The following MACROH2A1 variants were observed in gnomAD, a reference collection of about 807,000 sequenced individuals.
MACROH2A1 encodes the protein core histone macro-H2A.1.
MACROH2A1 carries 2 observed loss-of-function variants against 31.6 expected under a neutral mutation model. That is an observed-to-expected ratio of 0.06 (90% CI 0.03 to 0.20). The LOEUF is 0.20. Among genes scored for constraint, MACROH2A1 ranks in the 10% least tolerant of loss-of-function variants. MACROH2A1 has a pLI of 1.00. For missense variants in MACROH2A1, 230 were observed against 474.0 expected (o/e 0.49, Z 4.78); for synonymous variants, 169 against 189.6 (o/e 0.89, Z 0.89).
intron 2 of MACROH2A1, among the ~76,000 whole-genome samples, chr5:135,371,343 GTTC>G (rs1764153120): frequency 6.6e-6 from 1 of 152,184 alleles, no homozygotes; most frequent in South Asian, 2.1e-4. Context: ...GATTTTAAAA[GTTC>G]TTAACACAAG....
At position 135,335,034 on chromosome 5, in the gene MACROH2A1, A is replaced by C. The variant is rs759111396; in HGVS notation, c.1061T>G (p.Phe354Cys). Residue 354 changes from phenylalanine to cysteine, a missense_variant, in exon 9 of 9, where the codon TTT becomes TGT. By Grantham distance (205) the Phe-to-Cys change is radical. Coordinates refer to ENST00000511689, the MANE Select transcript of MACROH2A1 (RefSeq NM_138610.3). ...SSIKTVYFVL[F>C]DSESIGIYVQ... ...ATAGATGCCTATACTCTCGCTGTCA[A>C]AAAGCACGAAGTACACCGTTTTGAT... 1 of 1,614,124 alleles carries C rather than the reference A, an allele frequency of 6.2e-7. No homozygotes were observed. The highest frequency in any genetic ancestry group is 2.2e-5 in the East Asian group (1 of 44,890).
chr5:135,354,803 C>T, intron 5 of MACROH2A1: 1 of 339,738 alleles, frequency 2.9e-6, no homozygotes, highest in South Asian at 2.4e-5. Flanking sequence ...CTGCATTTGG[C>T]TCCAAGCAAA....
At chr5:135,358,389 G>C in intron 5 of MACROH2A1, 1 of 985,370 alleles carries the variant, frequency 1.0e-6, no homozygotes, top group African/African-American at 1.7e-5. Flanking sequence ...TGCAGCACTA[G>C]ATTTTTGGGT....
At chr5:135,389,264 C>T (rs1766866850) in intron 1 of MACROH2A1, 138 bp from the exon 2 acceptor site, 1 of 492,910 alleles carries the variant, frequency 2.0e-6, no homozygotes. Context: ...CCTCCGGGTC[C>T]AGGTGATGCA....
chr5:135,377,300 A>T (rs1369170794), intron 2 of MACROH2A1, among the ~76,000 whole-genome samples: 2 of 152,136 alleles, frequency 1.3e-5, no homozygotes, highest in South Asian at 2.1e-4. Flanking sequence ...GCTGTCAAGG[A>T]CTCTCAATTA....
chr5:135,398,327 G>A lies in MACROH2A1; in HGVS notation c.-34+735C>T, dbSNP rs549474335. Among the ~76,000 whole-genome samples the A allele has an allele frequency of 6.6e-6, 1 of 151,856 alleles. No individual in the cohort carries two copies. Among genetic ancestry groups the A allele is most frequent in the Non-Finnish European group, 1.5e-5 (1 of 67,926 alleles). ...TCTTTCCTGCTGGCCTTCTCCACCC[G>A]GGGAAGCCTACAGCCTTCCGGAGTT... On this transcript the variant is annotated intron_variant, in intron 1 of 8. Coordinates refer to ENST00000511689, the MANE Select transcript of MACROH2A1 (RefSeq NM_138610.3). This position sits in a 1 kb window ranked among gnomAD's most constrained non-coding sequence, Gnocchi z 4.6.
chr5:135,370,157 G>T lies in MACROH2A1; in HGVS notation c.173-15C>A. The T allele has an allele frequency of 1.3e-6, 2 of 1,552,502 alleles. No homozygotes were observed. The highest frequency in any genetic ancestry group is 8.9e-7 in the Non-Finnish European group (1 of 1,127,600). ...CAGAATCTCCGCTGTGGGGAGCAGAGATGAGTGTATGGTCATGTTAGAGGA... is the reference window on the plus strand; with the variant it reads ...CAGAATCTCCGCTGTGGGGAGCAGATATGAGTGTATGGTCATGTTAGAGGA... On this transcript the variant is annotated splice_polypyrimidine_tract_variant and intron_variant, in intron 2 of 8. Transcript: ENST00000511689.
chr5:135,343,227 C>G (rs375224843), intron 8 of MACROH2A1, 33 bp downstream of exon 8: 2 of 1,612,202 alleles, frequency 1.2e-6, no homozygotes, highest in Admixed American at 3.3e-5. Context: ...GAGACACACC[C>G]ATGACCGATA....
chr5:135,364,356 T>C (rs1196763491), intron 4 of MACROH2A1, among the ~76,000 whole-genome samples: 1 of 151,372 alleles, frequency 6.6e-6, no homozygotes, highest in Non-Finnish European at 1.5e-5. Context: ...CACCTGCACA[T>C]TGTGCACATG....
chr5:135,390,223 A>G (rs1346138806), intron 1 of MACROH2A1, among the ~76,000 whole-genome samples: 2 of 152,014 alleles, frequency 1.3e-5, no homozygotes, highest in Admixed American at 6.5e-5. Context: ...AGCCCTCCCA[A>G]ATGTTGAGAT....
chr5:135,336,957 C>A (rs752428931), intron 8 of MACROH2A1, among the ~76,000 whole-genome samples: 5 of 152,208 alleles, frequency 3.3e-5, no homozygotes, highest in Non-Finnish European at 7.3e-5. Context: ...GCAGCCTGTA[C>A]TTAGGGGCCA....
intron 2 of MACROH2A1, among the ~76,000 whole-genome samples, chr5:135,373,994 A>G (rs1764521691): frequency 6.6e-6 from 1 of 151,958 alleles, no homozygotes; most frequent in East Asian, 1.9e-4. Context: ...TCAGAAACAC[A>G]CCTTTTATGA....
intron 7 of MACROH2A1, 98 bp from the exon 8 acceptor site, chr5:135,343,532 C>T (rs185226693): frequency 1.3e-6 from 2 of 1,544,948 alleles, no homozygotes; most frequent in East Asian, 2.3e-5. Context: ...GGTATATCTT[C>T]CTGGGCCCTC....
intron 4 of MACROH2A1, among the ~76,000 whole-genome samples, chr5:135,365,251 C>T (rs1763350866): frequency 6.6e-6 from 1 of 152,164 alleles, no homozygotes; most frequent in African/African-American, 2.4e-5. Context: ...GTTACAAAAA[C>T]GTTAGGGATT....
chr5:135,340,768 C>G (rs1759696922), intron 8 of MACROH2A1, among the ~76,000 whole-genome samples: 1 of 152,226 alleles, frequency 6.6e-6, no homozygotes, highest in Non-Finnish European at 1.5e-5. Flanking sequence ...TTTATTTCCC[C>G]TCCTAAAACC....
intron 8 of MACROH2A1, among the ~76,000 whole-genome samples, chr5:135,342,649 T>C (rs1373939465): frequency 2.6e-5 from 4 of 152,166 alleles, no homozygotes; most frequent in African/African-American, 4.8e-5. Context: ...GGACAGGAAG[T>C]GGAGTAGGGC....
At chr5:135,374,595 C>A (rs1035789495) in intron 2 of MACROH2A1, among the ~76,000 whole-genome samples, 2 of 152,166 alleles carry the variant, frequency 1.3e-5, no homozygotes, top group Admixed American at 6.5e-5. Context: ...TGAATGGAGC[C>A]GATGCCTTCC....
In MACROH2A1 at chr5:135,334,918, T is replaced by TTTTTC; in HGVS notation, c.*53_*57dup. Reference sequence around the variant, plus strand: ...CCCAGTAGGAGTGAAGGGGATTTTTTTTTTCTTTTAAACTGAAGGTGGGGT... The same window carrying TTTTTC: ...CCCAGTAGGAGTGAAGGGGATTTTTTTTTTCTTTTCTTTTAAACTGAAGGTGGGGT... On this transcript the variant is annotated 3_prime_UTR_variant, in exon 9 of 9. Coordinates refer to ENST00000511689, the MANE Select transcript of MACROH2A1 (RefSeq NM_138610.3). The TTTTTC allele has an allele frequency of 6.8e-7, 1 of 1,464,752 alleles. No homozygotes were observed. Among genetic ancestry groups the TTTTTC allele is most frequent in the Non-Finnish European group, 9.4e-7 (1 of 1,066,942 alleles). The allele number at this position is 1,464,752 out of a possible 1,614,324, so 90.7% of individuals were successfully genotyped here. A position where few individuals can be genotyped will look rare whatever the true frequency, so the allele number is the denominator to read the frequency against.
At chr5:135,339,846 C>T (rs910435952) in intron 8 of MACROH2A1, among the ~76,000 whole-genome samples, 3 of 152,224 alleles carry the variant, frequency 2.0e-5, no homozygotes, top group South Asian at 2.1e-4. Context: ...GCTGTGCCCC[C>T]TGCAGCTAGA....
Sources: allele counts gnomAD v4.1 joint callset (sites outside exome capture counted in the v4.1 genomes callset), GRCh38; gene constraint gnomAD v4.1.1; non-coding constraint Gnocchi (gnomAD v3.1); transcripts MANE v1.5; gene names NCBI Gene and HGNC (gene_info 2026-07-23, HGNC 2026-07-21).